Variants in NFIB observed in about 807,000 individuals in gnomAD.
The protein encoded by NFIB is nuclear factor 1 B-type.
NFIB carries 11 observed loss-of-function variants against 61.5 expected under a neutral mutation model. The ratio of observed to expected loss-of-function variants is 0.18; its 90% confidence interval spans 0.11 to 0.30. NFIB has a LOEUF of 0.30. Ranked by LOEUF, NFIB falls within the 10% of genes least tolerant of loss-of-function variation. NFIB has a pLI of 1.00. For synonymous variants in NFIB, 260 were observed against 216.5 expected (o/e 1.20, Z -1.76); for missense variants, 471 against 608.9 (o/e 0.77, Z 2.38).
chr9:14,530,954 T>C, the NFIB span, among the ~76,000 whole-genome samples: 2 of 152,114 alleles, frequency 1.3e-5, no homozygotes, highest in Admixed American at 6.5e-5. Context: ...AATGTTCAGA[T>C]GAATGAACCC....
At chr9:14,496,218 T>C in the NFIB span, among the ~76,000 whole-genome samples, 6 of 152,248 alleles carry the variant, frequency 3.9e-5, 1 homozygote, top group Non-Finnish European at 5.9e-5. Context: ...TGCATGTCTA[T>C]AGTGAGACAT....
At chr9:14,331,753 C>A (rs1371764565) in intron 1 of NFIB, among the ~76,000 whole-genome samples, 10 of 152,186 alleles carry the variant, frequency 6.6e-5, no homozygotes, top group African/African-American at 2.4e-4. Context: ...TGATTCTTAA[C>A]CACGATTCCC....
chr9:14,421,284 A>G, the NFIB span, among the ~76,000 whole-genome samples: 2 of 152,226 alleles, frequency 1.3e-5, no homozygotes, highest in African/African-American at 4.8e-5. Context: ...TCTCAGATCT[A>G]GAACAATGTC....
At chr9:14,371,707 G>A (rs1284884199) in intron 1 of NFIB, among the ~76,000 whole-genome samples, 2 of 152,136 alleles carry the variant, frequency 1.3e-5, no homozygotes, top group African/African-American at 4.8e-5. Flanking sequence ...CACAGGAGTG[G>A]CCATTCCTAT....
chr9:14,157,981 G>A lies in NFIB; in HGVS notation c.617-2088C>T, dbSNP rs575378909. Among the ~76,000 whole-genome samples, 18 of 151,620 alleles carry A rather than the reference G, an allele frequency of 1.2e-4. No individual in the cohort carries two copies. In the South Asian group the frequency reaches 3.8e-3, roughly 32 times the overall value. On this transcript the variant is annotated intron_variant, in intron 3 of 10. Coordinates refer to ENST00000380953, the MANE Select transcript of NFIB (RefSeq NM_001190737.2). Reference sequence around the variant, plus strand: ...CAAAAATTAGCCGGGCATGGTGGCGGGCACCTGTAGTCTCAGCTACTCGGG... The same window carrying A: ...CAAAAATTAGCCGGGCATGGTGGCGAGCACCTGTAGTCTCAGCTACTCGGG...
chr9:14,405,045 C>CT, the NFIB span, among the ~76,000 whole-genome samples: 4 of 152,152 alleles, frequency 2.6e-5, no homozygotes, highest in African/African-American at 9.7e-5. Flanking sequence ...TAGGTTTGAC[C>CT]TATTACCAGA....
intron 1 of NFIB, among the ~76,000 whole-genome samples, chr9:14,355,671 G>A (rs1382497891): frequency 6.6e-6 from 1 of 152,178 alleles, no homozygotes; most frequent in East Asian, 1.9e-4. Context: ...TACCCTGCTT[G>A]CCTGGCCGGC....
chr9:14,247,495 G>A (rs2055066617), intron 2 of NFIB, among the ~76,000 whole-genome samples: 1 of 152,180 alleles, frequency 6.6e-6, no homozygotes, highest in Non-Finnish European at 1.5e-5. Context: ...TGCCAGTCAT[G>A]GAGGCCTACA....
intron 1 of NFIB, among the ~76,000 whole-genome samples, chr9:14,353,634 G>A (rs2061140424): frequency 6.6e-6 from 1 of 152,150 alleles, no homozygotes; most frequent in African/African-American, 2.4e-5. Flanking sequence ...TACCTGTCAG[G>A]ACAAAGGCTG....
At position 14,083,365 on chromosome 9, in the gene NFIB, CAG is replaced by C. The variant is rs1257145542; in HGVS notation, c.*4942_*4943del. 1 of 220,908 alleles carries C rather than the reference CAG, an allele frequency of 4.5e-6. No individual in the cohort carries two copies. The highest frequency in any genetic ancestry group is 9.0e-6 in the Non-Finnish European group (1 of 110,820). 13.7% of individuals were successfully genotyped at this position (220,908 alleles called of 1,614,324 possible). A position where few individuals can be genotyped will look rare whatever the true frequency, so the allele number is the denominator to read the frequency against. ...CACAATTTTAGGGAATTAGAAAAAA[CAG>C]GGGAACTACCAGAAAGTGCAAAATA... On this transcript the variant is annotated 3_prime_UTR_variant, in exon 11 of 11. Coordinates refer to ENST00000380953, the MANE Select transcript of NFIB (RefSeq NM_001190737.2).
intron 10 of NFIB, among the ~76,000 whole-genome samples, chr9:14,108,553 A>C (rs2036896852): frequency 6.6e-6 from 1 of 152,128 alleles, no homozygotes; most frequent in Non-Finnish European, 1.5e-5. Flanking sequence ...ACACTAGACC[A>C]GTAATTGAAA....
At chr9:14,383,083 C>CAA (rs75684914) in intron 1 of NFIB, among the ~76,000 whole-genome samples, 1 of 151,844 alleles carries the variant, frequency 6.6e-6, no homozygotes, top group African/African-American at 2.4e-5. Context: ...AGGAATATGA[C>CAA]AAAAAATTGA....
the NFIB span, among the ~76,000 whole-genome samples, chr9:14,489,583 G>A: frequency 6.6e-6 from 1 of 151,996 alleles, no homozygotes; most frequent in Non-Finnish European, 1.5e-5. Flanking sequence ...GACATTAAGA[G>A]GAAGAAAGTC....
At chr9:14,194,196 T>A (rs1156829203) in intron 2 of NFIB, among the ~76,000 whole-genome samples, 1 of 152,070 alleles carries the variant, frequency 6.6e-6, no homozygotes, top group Non-Finnish European at 1.5e-5. Context: ...AAAAAGAAAA[T>A]GGGTTGGAGT....
At chr9:14,274,761 A>T (rs1031676159) in intron 2 of NFIB, among the ~76,000 whole-genome samples, 1 of 152,210 alleles carries the variant, frequency 6.6e-6, no homozygotes, top group Non-Finnish European at 1.5e-5. Flanking sequence ...TAAAGACAAA[A>T]GAATTATCTC....
intron 2 of NFIB, among the ~76,000 whole-genome samples, chr9:14,294,364 C>T (rs1348131465): frequency 6.6e-6 from 1 of 152,202 alleles, no homozygotes; most frequent in African/African-American, 2.4e-5. Context: ...AATTTAACAA[C>T]CATGTATACG....
chr9:14,278,924 A>C (rs1185993278), intron 2 of NFIB, among the ~76,000 whole-genome samples: 2 of 152,206 alleles, frequency 1.3e-5, no homozygotes, highest in Non-Finnish European at 2.9e-5. Flanking sequence ...CAAACACCTA[A>C]GCTGAAAGTC....
At chr9:14,438,748 G>A in the NFIB span, among the ~76,000 whole-genome samples, 3 of 152,252 alleles carry the variant, frequency 2.0e-5, no homozygotes, top group East Asian at 3.9e-4. Context: ...TGGAAACCTC[G>A]TGAGCGGGGG....
intron 1 of NFIB, among the ~76,000 whole-genome samples, chr9:14,348,300 C>T (rs1344599455): frequency 6.6e-6 from 1 of 151,090 alleles, no homozygotes; most frequent in Non-Finnish European, 1.5e-5. Flanking sequence ...ACCTATGGCT[C>T]TAAAGCCGAG....
Sources: gnomAD v4.1 joint callset for allele counts (sites outside exome capture counted in the v4.1 genomes callset) on GRCh38, gnomAD v4.1.1 for gene constraint, MANE v1.5 for transcripts, NCBI Gene and HGNC (gene_info 2026-07-23, HGNC 2026-07-21) for gene names.